The following GAS2L3 variants were observed in gnomAD, a reference collection of about 807,000 sequenced individuals.
The protein encoded by GAS2L3 is growth arrest specific 2 like 3.
A neutral mutation model predicts 37.0 loss-of-function variants in GAS2L3; 28 were observed. That is an observed-to-expected ratio of 0.76 (90% CI 0.56 to 1.04). The LOEUF (loss-of-function observed/expected upper bound fraction) is 1.04. Ranked by LOEUF, GAS2L3 falls within the 50% of genes least tolerant of loss-of-function variation. The probability of loss-of-function intolerance (pLI) is 0.00; values close to 1 mark genes in which losing one functional copy is unlikely to be tolerated. For missense variants in GAS2L3, 793 were observed against 817.6 expected, an observed-to-expected ratio of 0.97 and a Z score of 0.37; for synonymous variants, 290 against 296.6, an observed-to-expected ratio of 0.98 and a Z score of 0.23.
At chr12:100,592,201 C>T (rs1333854868) in intron 2 of GAS2L3, among the ~76,000 whole-genome samples, 1 of 152,096 alleles carries the variant, frequency 6.6e-6, no homozygotes, top group Non-Finnish European at 1.5e-5. Context: ...CAGTAGTAAC[C>T]GCGATCTCAA....
At chr12:100,615,141 A>G (rs1956170677) in intron 6 of GAS2L3, among the ~76,000 whole-genome samples, 1 of 152,152 alleles carries the variant, frequency 6.6e-6, no homozygotes, top group Non-Finnish European at 1.5e-5. Flanking sequence ...CCAATGTTCC[A>G]ATTTCTCCAC....
intron 1 of GAS2L3, among the ~76,000 whole-genome samples, chr12:100,578,062 T>G (rs1157098648): frequency 2.6e-5 from 4 of 152,110 alleles, no homozygotes; most frequent in Non-Finnish European, 5.9e-5. Context: ...TGGATCAGAG[T>G]TGTGAAAAAA....
In GAS2L3 at chr12:100,579,014, T is replaced by G. The variant is rs1014473896; in HGVS notation, c.-152+5229T>G. 1.4e-5 allele frequency: 12 copies of G among 828,966 alleles called. No homozygotes were observed. In the African/African-American group the frequency reaches 2.0e-4, roughly 14 times the overall value. The allele number at this position is 828,966 out of a possible 1,614,324, so 51.4% of individuals were successfully genotyped here. The stretch of plus-strand genomic sequence containing the variant: ...CCTCACTAATGACCTCAAAGTCTAT[T>G]ACTTGCCTCTGAAAGTCATGTATAA... On this transcript the variant is annotated intron_variant, in intron 1 of 9. Transcript: ENST00000547754.
At chr12:100,580,326 C>G (rs1275077871) in intron 1 of GAS2L3, 1 of 308,050 alleles carries the variant, frequency 3.2e-6, no homozygotes, top group African/African-American at 2.1e-5. Flanking sequence ...AGTTATGCTA[C>G]TTCTATATCA....
intron 1 of GAS2L3, among the ~76,000 whole-genome samples, chr12:100,576,526 G>A (rs1430632796): frequency 2.6e-5 from 4 of 152,130 alleles, no homozygotes; most frequent in African/African-American, 9.7e-5. Flanking sequence ...GATCTAATGA[G>A]TCATGCAATG....
intron 1 of GAS2L3, among the ~76,000 whole-genome samples, chr12:100,574,521 G>A (rs1308814332): frequency 6.6e-6 from 1 of 152,160 alleles, no homozygotes; most frequent in Non-Finnish European, 1.5e-5. Flanking sequence ...TTTGGAGGGC[G>A]TGCTCCTCTA....
chr12:100,623,437 T>G, intron 9 of GAS2L3, 125 bp from the exon 10 acceptor site: 2 of 714,336 alleles, frequency 2.8e-6, no homozygotes, highest in Non-Finnish European at 4.5e-6. Context: ...CAATTTGTAG[T>G]GAGGCTGTTG....
chr12:100,591,097 G>A (rs1262242765), intron 1 of GAS2L3, among the ~76,000 whole-genome samples: 1 of 152,022 alleles, frequency 6.6e-6, no homozygotes, highest in Non-Finnish European at 1.5e-5. Flanking sequence ...AAAAATAAAA[G>A]TAAAAAATAA....
intron 9 of GAS2L3, among the ~76,000 whole-genome samples, chr12:100,622,813 T>C (rs1259872689): frequency 1.8e-5 from 1 of 55,294 alleles, no homozygotes; most frequent in Non-Finnish European, 3.6e-5. Flanking sequence ...TTTATAATAA[T>C]ACAAGCCTTG....
At chr12:100,600,008 G>A (rs1955964835) in intron 3 of GAS2L3, among the ~76,000 whole-genome samples, 1 of 152,170 alleles carries the variant, frequency 6.6e-6, no homozygotes, top group Admixed American at 6.6e-5. Context: ...GATCGCTTGA[G>A]TCCAGGAGTT....
At position 100,600,512 on chromosome 12, in the gene GAS2L3, T is replaced by C. The variant is rs1342441986; in HGVS notation, c.149T>C (p.Met50Thr). Reference protein sequence around the residue: ...AVRHEATLLPMQEDLSIWLSG... With the variant: ...AVRHEATLLPTQEDLSIWLSG... ...AGGCATGAAGCCACTTTGTTGCCCA[T>C]GCAAGAAGATCTGTCAATCTGGTTA... is the stretch of plus-strand genomic sequence containing the variant. Residue 50 changes from methionine to threonine, a missense_variant, in exon 4 of 10, where the codon ATG becomes ACG. Physicochemically the swap from Met to Thr is moderately conservative, Grantham distance 81 (BLOSUM62 -1). Transcript: ENST00000547754. The C allele has an allele frequency of 1.9e-6, 3 of 1,613,790 alleles. No individual in the cohort carries two copies. Among genetic ancestry groups the C allele is most frequent in the Non-Finnish European group, 2.5e-6 (3 of 1,179,908 alleles).
rs781279634 is a variant in GAS2L3 at position 100,601,658 on chromosome 12, A to G, written c.208A>G (p.Lys70Glu). 5.7e-6 allele frequency: 9 copies of G among 1,571,168 alleles called. No individual in the cohort carries two copies. The Admixed American group carries it at 6.7e-5, about 12-fold the overall frequency. The change falls in exon 5 of 10, where the codon AAA (lysine) becomes GAA (glutamate). Residue 70 changes from lysine to glutamate, a missense_variant. Transcript: ENST00000547754. The stretch of plus-strand genomic sequence containing the variant: ...TTTAGGTATTAAAGTTAAGGCAGAA[A>G]AATTATTGGAAGAACTTGATAATGG... ...GLLGIKVKAE[K>E]LLEELDNGVL...
intron 1 of GAS2L3, among the ~76,000 whole-genome samples, chr12:100,582,812 A>G (rs1955730171): frequency 6.6e-6 from 1 of 152,214 alleles, no homozygotes; most frequent in Non-Finnish European, 1.5e-5. Flanking sequence ...AGGTGCTGAC[A>G]GGGTTGTGCT....
chr12:100,601,581 T>C, intron 4 of GAS2L3, 57 bp from the exon 5 acceptor site: 1 of 820,636 alleles, frequency 1.2e-6, no homozygotes, highest in Admixed American at 1.8e-5. Flanking sequence ...TTAATTAATT[T>C]TAACCATATT....
chr12:100,585,325 G>C (rs1224294977), intron 1 of GAS2L3, among the ~76,000 whole-genome samples: 2 of 151,146 alleles, frequency 1.3e-5, no homozygotes, highest in African/African-American at 4.9e-5. Flanking sequence ...TAGCAATCTT[G>C]GCTCACTGCA....
chr12:100,608,075 G>A (rs1956078543), intron 5 of GAS2L3, among the ~76,000 whole-genome samples: 2 of 152,030 alleles, frequency 1.3e-5, no homozygotes, highest in South Asian at 4.2e-4. Flanking sequence ...ATATTCAAAG[G>A]GACTTGGGCC....
In GAS2L3 at chr12:100,627,064, G is replaced by C. The variant is rs1259208802; in HGVS notation, c.*2174G>C. On this transcript the variant is annotated 3_prime_UTR_variant, in exon 10 of 10. Coordinates refer to ENST00000547754, the MANE Select transcript of GAS2L3 (RefSeq NM_174942.3). Reference sequence around the variant, plus strand: ...AGATTGCGCCACTGCACTCCAGCCTGGGCAACAGAGTGAGACTCTGTCTCA... The same window carrying C: ...AGATTGCGCCACTGCACTCCAGCCTCGGCAACAGAGTGAGACTCTGTCTCA... Among the ~76,000 whole-genome samples the C allele has an allele frequency of 6.7e-6, 1 of 149,336 alleles. No homozygotes were observed. Among genetic ancestry groups the C allele is most frequent in the African/African-American group, 2.5e-5 (1 of 40,538 alleles).
rs938732363 is a variant in GAS2L3 at position 100,627,887 on chromosome 12, C to G, written c.*2997C>G. The G allele has an allele frequency of 5.3e-5, 8 of 152,108 alleles. No homozygotes were observed. Among genetic ancestry groups the G allele is most frequent in the African/African-American group, 1.7e-4 (7 of 41,420 alleles). The allele number at this position is 152,108 out of a possible 1,614,324, so 9.4% of individuals were successfully genotyped here. On this transcript the variant is annotated 3_prime_UTR_variant, in exon 10 of 10. Coordinates refer to ENST00000547754, the MANE Select transcript of GAS2L3 (RefSeq NM_174942.3). Reference sequence around the variant, plus strand: ...TATTTTATTTTCTATAATTTGTTAACATGATATGTAAAATTAAACTTCGGA... The same window carrying G: ...TATTTTATTTTCTATAATTTGTTAAGATGATATGTAAAATTAAACTTCGGA...
chr12:100,615,493 A>C (rs1053664199), intron 6 of GAS2L3, among the ~76,000 whole-genome samples: 7 of 151,900 alleles, frequency 4.6e-5, no homozygotes, highest in Non-Finnish European at 8.8e-5. Context: ...GAAAGTTTTA[A>C]ATTTTGGTGA....
Sources: gnomAD v4.1 joint callset for allele counts (sites outside exome capture counted in the v4.1 genomes callset) on GRCh38, gnomAD v4.1.1 for gene constraint, MANE v1.5 for transcripts, NCBI Gene and HGNC (gene_info 2026-07-23, HGNC 2026-07-21) for gene names.